The following LONRF1 variants were observed in gnomAD, a reference collection of about 807,000 sequenced individuals.
LONRF1 encodes LON peptidase N-terminal domain and RING finger protein 1.
Under a neutral mutation model 85.8 loss-of-function variants are expected in LONRF1, and 37 were observed. That is an observed-to-expected ratio of 0.43 (90% confidence interval 0.33 to 0.57). The LOEUF (loss-of-function observed/expected upper bound fraction) is 0.57, where lower values mean the gene tolerates loss of function less well. Ranked by LOEUF, LONRF1 falls within the 20% of genes least tolerant of loss-of-function variation. The pLI, the probability that LONRF1 is intolerant of heterozygous loss-of-function variation, is 0.04. For missense variants in LONRF1, 1,036 were observed against 978.0 expected, an observed-to-expected ratio of 1.06 and a Z score of -0.79; for synonymous variants, 517 against 390.1, an observed-to-expected ratio of 1.33 and a Z score of -3.83.
intron 6 of LONRF1, among the ~76,000 whole-genome samples, chr8:12,736,329 T>C (rs1028124594): frequency 6.6e-6 from 1 of 152,216 alleles, no homozygotes; most frequent in Admixed American, 6.5e-5. Flanking sequence ...ATACATAAAA[T>C]ACTAATTAGA....
In LONRF1 at chr8:12,739,888, T is replaced by A. The variant is rs192604843; in HGVS notation, c.963+986A>T. Reference sequence around the variant, plus strand: ...TCTTAAATCAGTGGGCTAGAATGTATATACAAACAAACCTCATAGAGGCTA... The same window carrying A: ...TCTTAAATCAGTGGGCTAGAATGTAAATACAAACAAACCTCATAGAGGCTA... On this transcript the variant is annotated intron_variant, in intron 3 of 11. Transcript: ENST00000398246. Among the ~76,000 whole-genome samples the A allele has an allele frequency of 1.2e-4, 19 of 152,256 alleles. No individual in the cohort carries two copies. In the East Asian group the frequency reaches 3.7e-3, roughly 29 times the overall value.
rs189730925 is a variant in LONRF1 at position 12,724,362 on chromosome 8, C to G, written c.2164-1108G>C. On this transcript the variant is annotated intron_variant, in intron 11 of 11. Transcript: ENST00000398246. ...AGACTGAGACAGTGGTGCAGACTTG[C>G]TGGGATTCCTAAGAATTATAGCCAC... Among the ~76,000 whole-genome samples, 5 of 152,264 alleles carry G rather than the reference C, an allele frequency of 3.3e-5. No individual in the cohort carries two copies. The East Asian group carries it at 9.6e-4, about 29-fold the overall frequency.
At chr8:12,733,576 T>C (rs1798608575) in intron 7 of LONRF1, among the ~76,000 whole-genome samples, 1 of 152,126 alleles carries the variant, frequency 6.6e-6, no homozygotes, top group South Asian at 2.1e-4. Context: ...ACTCTGTCCT[T>C]CAGTGACAGA....
At chr8:12,749,297 C>A (rs1191402141) in intron 1 of LONRF1, among the ~76,000 whole-genome samples, 1 of 151,922 alleles carries the variant, frequency 6.6e-6, no homozygotes, top group Non-Finnish European at 1.5e-5. Flanking sequence ...GCAGACTGGA[C>A]AACAGACAGC....
chr8:12,730,924 T>C (rs1021242640), intron 8 of LONRF1, among the ~76,000 whole-genome samples: 2 of 152,172 alleles, frequency 1.3e-5, no homozygotes, highest in Admixed American at 1.3e-4. Context: ...AAAAAGTTGT[T>C]AAATAAAACA....
chr8:12,725,628 A>G (rs116905237), intron 11 of LONRF1, 99 bp downstream of exon 11: 1 of 1,250,548 alleles, frequency 8.0e-7, no homozygotes, highest in Non-Finnish European at 1.1e-6. Context: ...AGTCAAAGAA[A>G]AAGTAGTGCA....
intron 1 of LONRF1, among the ~76,000 whole-genome samples, chr8:12,748,386 A>G (rs1799249167): frequency 8.8e-6 from 1 of 113,450 alleles, no homozygotes; most frequent in Non-Finnish European, 2.1e-5. Flanking sequence ...TTGTACAGAT[A>G]CGGTACCACT....
At chr8:12,749,543 T>A (rs531943085) in intron 1 of LONRF1, among the ~76,000 whole-genome samples, 1 of 152,108 alleles carries the variant, frequency 6.6e-6, no homozygotes. Context: ...AACAGAAAAA[T>A]GATTCTGAAT....
intron 1 of LONRF1, among the ~76,000 whole-genome samples, chr8:12,751,631 CA>C (rs1398535802): frequency 6.6e-6 from 1 of 151,092 alleles, no homozygotes; most frequent in Non-Finnish European, 1.5e-5. Context: ...ATATTAAAGA[CA>C]AAATTTTCCT....
intron 1 of LONRF1, among the ~76,000 whole-genome samples, chr8:12,746,743 G>C (rs1425899168): frequency 6.6e-6 from 1 of 152,166 alleles, no homozygotes; most frequent in African/African-American, 2.4e-5. Flanking sequence ...ACAGTGAAGA[G>C]TATATGCAGC....
intron 1 of LONRF1, among the ~76,000 whole-genome samples, chr8:12,750,765 A>G (rs1049233120): frequency 1.3e-5 from 2 of 152,248 alleles, no homozygotes; most frequent in African/African-American, 4.8e-5. Context: ...GCTAGTTAAC[A>G]TGTGTAAACT....
At chr8:12,751,874 CTT>C (rs1041224833) in intron 1 of LONRF1, among the ~76,000 whole-genome samples, 1 of 152,086 alleles carries the variant, frequency 6.6e-6, no homozygotes, top group Non-Finnish European at 1.5e-5. Flanking sequence ...GCAGGAAAAA[CTT>C]TACATAATAT....
intron 7 of LONRF1, 65 bp downstream of exon 7, chr8:12,735,221 G>A (rs962408927): frequency 3.3e-5 from 34 of 1,030,480 alleles, no homozygotes; most frequent in Non-Finnish European, 4.7e-5. Flanking sequence ...TTCTATGGCT[G>A]AACAGAAATT....
intron 3 of LONRF1, 47 bp from the exon 4 acceptor site, chr8:12,738,191 T>C (rs757396226): frequency 1.6e-6 from 2 of 1,280,872 alleles, no homozygotes; most frequent in African/African-American, 3.1e-5. Flanking sequence ...AATATTTGGT[T>C]AAGGATAATT....
At chr8:12,747,411 C>T (rs1225185745) in intron 1 of LONRF1, among the ~76,000 whole-genome samples, 3 of 152,100 alleles carry the variant, frequency 2.0e-5, no homozygotes, top group Non-Finnish European at 2.9e-5. Flanking sequence ...AAAATGTTTA[C>T]TCATACAATT....
At chr8:12,725,902 G>C in intron 10 of LONRF1, 23 bp from the exon 11 acceptor site, 1 of 1,595,126 alleles carries the variant, frequency 6.3e-7, no homozygotes, top group Non-Finnish European at 8.6e-7. Flanking sequence ...TAGTCAGTAA[G>C]ACTTCTGTGT....
At chr8:12,724,037 G>A (rs1806046321) in intron 11 of LONRF1, among the ~76,000 whole-genome samples, 2 of 152,104 alleles carry the variant, frequency 1.3e-5, no homozygotes, top group South Asian at 4.1e-4. Flanking sequence ...AATGACAAAA[G>A]GAGCTACGAC....
intron 3 of LONRF1, among the ~76,000 whole-genome samples, chr8:12,740,011 T>G (rs926762051): frequency 6.6e-6 from 1 of 152,196 alleles, no homozygotes; most frequent in Non-Finnish European, 1.5e-5. Flanking sequence ...GGATGCTTCT[T>G]AAATGACTGC....
intron 2 of LONRF1, among the ~76,000 whole-genome samples, chr8:12,742,528 A>G (rs1179141211): frequency 6.6e-6 from 1 of 152,202 alleles, no homozygotes; most frequent in Non-Finnish European, 1.5e-5. Flanking sequence ...AACTTTAAGA[A>G]CCTATTCTCT....
Sources: gnomAD v4.1 joint callset for allele counts (sites outside exome capture counted in the v4.1 genomes callset) on GRCh38, gnomAD v4.1.1 for gene constraint, MANE v1.5 for transcripts, NCBI Gene and HGNC (gene_info 2026-07-23, HGNC 2026-07-21) for gene names.